Variants in GAS7 observed in about 807,000 individuals in gnomAD.
The protein encoded by GAS7 is growth arrest-specific protein 7.
In GAS7, 28 loss-of-function variants were observed where a neutral mutation model predicts 71.1. The ratio of observed to expected loss-of-function variants is 0.39; its 90% CI spans 0.29 to 0.54. GAS7 has a LOEUF of 0.54. Ranked by LOEUF, GAS7 falls within the 20% of genes least tolerant of loss-of-function variation. The pLI, the probability that GAS7 is intolerant of heterozygous loss-of-function variation, is 0.62. For missense variants in GAS7, 436 were observed against 627.8 expected (o/e 0.69, Z 3.27); for synonymous variants, 258 against 245.8 (o/e 1.05, Z -0.46).
intron 1 of GAS7, among the ~76,000 whole-genome samples, chr17:10,182,990 G>C (rs1301779790): frequency 1.3e-5 from 2 of 152,148 alleles, no homozygotes; most frequent in Non-Finnish European, 2.9e-5. Context: ...ATCAAACCCA[G>C]GTAAGAAGCC....
intron 5 of GAS7, among the ~76,000 whole-genome samples, chr17:9,953,956 T>G (rs2069120605): frequency 6.6e-6 from 1 of 152,146 alleles, no homozygotes; most frequent in African/African-American, 2.4e-5. Context: ...GTTCCGTAAA[T>G]AAGTCACTGT....
At chr17:10,161,750 G>A (rs2074257407) in intron 1 of GAS7, among the ~76,000 whole-genome samples, 1 of 152,176 alleles carries the variant, frequency 6.6e-6, no homozygotes, top group Non-Finnish European at 1.5e-5. Context: ...CAAATGTCCA[G>A]TTGCCAATCT....
At chr17:10,055,813 C>A (rs2073128625) in intron 1 of GAS7, among the ~76,000 whole-genome samples, 2 of 152,204 alleles carry the variant, frequency 1.3e-5, no homozygotes, top group South Asian at 4.1e-4. Context: ...GGTTTTTGTG[C>A]AGGTTGACAC....
At chr17:9,935,962 C>A (rs1002191530) in intron 8 of GAS7, among the ~76,000 whole-genome samples, 1 of 152,200 alleles carries the variant, frequency 6.6e-6, no homozygotes, top group Non-Finnish European at 1.5e-5. Flanking sequence ...CTGGCAGTTA[C>A]ACAGATCAGC....
chr17:10,049,109 C>T (rs531260707), intron 1 of GAS7, among the ~76,000 whole-genome samples: 4 of 152,196 alleles, frequency 2.6e-5, no homozygotes, highest in Non-Finnish European at 4.4e-5. Context: ...ACTATTCAAG[C>T]TTTAGGGACA....
intron 1 of GAS7, among the ~76,000 whole-genome samples, chr17:10,158,701 A>T (rs1383885226): frequency 1.3e-5 from 2 of 152,030 alleles, no homozygotes. Flanking sequence ...ATAAGTGTGC[A>T]CTGTAATTCT....
chr17:10,003,972 C>G (rs12373138), intron 2 of GAS7, among the ~76,000 whole-genome samples: 1 of 152,182 alleles, frequency 6.6e-6, no homozygotes, highest in African/African-American at 2.4e-5. Flanking sequence ...ACAATCTCAT[C>G]GATGGGACCT....
In GAS7 at chr17:9,959,494, C is replaced by A. The variant is rs1016428156; in HGVS notation, c.472-239G>T. 1 of 1,380,672 alleles carries A rather than the reference C, an allele frequency of 7.2e-7. No individual in the cohort carries two copies. The highest frequency in any genetic ancestry group is 9.4e-7 in the Non-Finnish European group (1 of 1,065,146). The allele number at this position is 1,380,672 out of a possible 1,614,324, so 85.5% of individuals were successfully genotyped here. On this transcript the variant is annotated intron_variant, in intron 4 of 13. Transcript: ENST00000432992. The surrounding 1 kb of genome is among the most constrained non-coding windows in gnomAD (Gnocchi z 5.0). The stretch of plus-strand genomic sequence containing the variant: ...GCCTCCTGCACAGGCTCTGAGAGAA[C>A]TGCTCCAAACCAGGTCTCCCCTCCT...
In GAS7 at chr17:10,150,415, T is replaced by TACACAC. The variant is rs3051267; in HGVS notation, c.183+47787_183+47792dup. 4.6e-3 allele frequency among the ~76,000 whole-genome samples: 677 copies of TACACAC among 145,890 alleles called. 4 individuals are homozygous for TACACAC. The highest frequency in any genetic ancestry group is 5.7e-3 in the African/African-American group (223 of 39,200). On this transcript the variant is annotated intron_variant, in intron 1 of 13. Coordinates refer to ENST00000432992, the MANE Select transcript of GAS7 (RefSeq NM_201433.2). ...TCTTTCTTTCTCTCAACTGGTTAAG[T>TACACAC]ACACACACACACACACACACACACA...
At chr17:10,059,046 G>A (rs368232865) in intron 1 of GAS7, among the ~76,000 whole-genome samples, 8 of 152,190 alleles carry the variant, frequency 5.3e-5, no homozygotes, top group Admixed American at 1.3e-4. Context: ...ACACCCACAC[G>A]CTGCCTGGTC....
chr17:10,142,215 C>A (rs200298955), intron 1 of GAS7, among the ~76,000 whole-genome samples: 477 of 140,436 alleles, frequency 3.4e-3, no homozygotes, highest in Middle Eastern at 0.018. Context: ...GACTCTGTCT[C>A]AAAAAAAAAA....
At chr17:9,979,895 AAGAGAAG>A (rs1336475511) in intron 3 of GAS7, among the ~76,000 whole-genome samples, 3 of 151,694 alleles carry the variant, frequency 2.0e-5, no homozygotes, top group Non-Finnish European at 2.9e-5. Context: ...ACAACATTGA[AAGAGAAG>A]CCAGTGGGCT....
chr17:10,047,309 T>G (rs1032283556), intron 1 of GAS7, among the ~76,000 whole-genome samples: 1 of 152,112 alleles, frequency 6.6e-6, no homozygotes, highest in Non-Finnish European at 1.5e-5. Flanking sequence ...GAGGACCAGA[T>G]AGTAACGTGA....
chr17:10,156,608 C>T (rs1482757415), intron 1 of GAS7, among the ~76,000 whole-genome samples: 3 of 152,164 alleles, frequency 2.0e-5, no homozygotes, highest in Non-Finnish European at 2.9e-5. Context: ...GGGACCCTCG[C>T]ACCCTCTGGC....
At chr17:10,186,024 C>T (rs1180699523) in intron 1 of GAS7, among the ~76,000 whole-genome samples, 1 of 144,076 alleles carries the variant, frequency 6.9e-6, no homozygotes. Context: ...GGCGCATTCT[C>T]GGCTCACTGC....
At chr17:10,011,975 C>CAA (rs559918563) in intron 2 of GAS7, among the ~76,000 whole-genome samples, 13,656 of 86,724 alleles carry the variant, frequency 0.16, 765 homozygotes, top group South Asian at 0.24. Flanking sequence ...AACTCCATCT[C>CAA]AAAAAAAAAA....
chr17:10,177,275 C>G (rs896800542), intron 1 of GAS7, among the ~76,000 whole-genome samples: 2 of 152,032 alleles, frequency 1.3e-5, no homozygotes, highest in Non-Finnish European at 2.9e-5. Flanking sequence ...AAGCTGCAGC[C>G]GAGCAAAGGC....
intron 1 of GAS7, among the ~76,000 whole-genome samples, chr17:10,178,340 C>T (rs902666322): frequency 4.6e-5 from 7 of 152,102 alleles, no homozygotes; most frequent in Non-Finnish European, 1.0e-4. Flanking sequence ...ATACCAACAT[C>T]TCCCAAACTC....
At chr17:10,043,900 TC>T (rs2072908883) in intron 1 of GAS7, among the ~76,000 whole-genome samples, 1 of 152,174 alleles carries the variant, frequency 6.6e-6, no homozygotes, top group South Asian at 2.1e-4. Flanking sequence ...TCCACTGCAC[TC>T]CAGCCTGGGC....
Sources: gnomAD v4.1 joint callset for allele counts (sites outside exome capture counted in the v4.1 genomes callset) on GRCh38, gnomAD v4.1.1 for gene constraint, Gnocchi (gnomAD v3.1) non-coding constraint, MANE v1.5 for transcripts, NCBI Gene and HGNC (gene_info 2026-07-23, HGNC 2026-07-21) for gene names.